DNAH1: variants seen among roughly 807,000 people sequenced by gnomAD.
The protein encoded by DNAH1 is dynein axonemal heavy chain 1.
DNAH1 carries 327 observed loss-of-function variants against 484.3 expected under a neutral mutation model. The observed-to-expected ratio is 0.68, with a 90% CI of 0.62 to 0.74. DNAH1 has a LOEUF of 0.74. Ranked by LOEUF, DNAH1 falls within the 30% of genes least tolerant of loss-of-function variation. The pLI is 0.00. For synonymous variants in DNAH1, 2,192 were observed against 2,191.9 expected, an observed-to-expected ratio of 1.00 and a Z score of 0.00; for missense variants, 5,052 against 5,546.8, an observed-to-expected ratio of 0.91 and a Z score of 2.83.
intron 8 of DNAH1, among the ~76,000 whole-genome samples, chr3:52,341,649 G>T (rs189285710): frequency 9.2e-5 from 14 of 151,464 alleles, no homozygotes; most frequent in Middle Eastern, 3.4e-3. Flanking sequence ...TGCATCAGTG[G>T]TTGATCATAA....
intron 42 of DNAH1, 56 bp downstream of exon 42, chr3:52,372,142 G>A (rs1318306903): frequency 1.2e-5 from 20 of 1,609,784 alleles, no homozygotes; most frequent in Admixed American, 1.7e-5. Context: ...ATTGGGGGTT[G>A]ACCAGCCTCC....
At chr3:52,384,147 T>C in intron 52 of DNAH1, 116 bp downstream of exon 52, 1 of 1,145,490 alleles carries the variant, frequency 8.7e-7, no homozygotes, top group Non-Finnish European at 1.2e-6. Context: ...GGTAAGCTTT[T>C]GGTCAGGCTG....
chr3:52,382,749 C>T (rs544639647), intron 50 of DNAH1, among the ~76,000 whole-genome samples: 3 of 152,254 alleles, frequency 2.0e-5, no homozygotes, highest in Admixed American at 6.5e-5. Flanking sequence ...CCTCAAGGAC[C>T]ACAGGGCTTG....
chr3:52,370,793 G>A lies in DNAH1; in HGVS notation c.6493G>A (p.Asp2165Asn), dbSNP rs761325487. The change falls in exon 41 of 78, where the codon GAC becomes AAC. Residue 2165 changes from aspartate to asparagine, a missense_variant. Asp to Asn is a conservative substitution (Grantham distance 23, BLOSUM62 1). Around this residue, in one of 4 missense-constraint regions of DNAH1, gnomAD observed 2,929 missense variants for 3,409.4 expected, o/e 0.86. Coordinates refer to ENST00000420323, the MANE Select transcript of DNAH1 (RefSeq NM_015512.5). ...GGACGCGGGCATCAGTGGCACCAAC[G>A]ACAGTGAGGATGAAGAGGAGGAATA... ...LEDAGISGTN[D>N]SEDEEEEYKQ... 5.0e-6 allele frequency: 8 copies of A among 1,605,742 alleles called. No homozygotes were observed. The highest frequency in any genetic ancestry group is 4.0e-5 in the African/African-American group (3 of 74,828).
In DNAH1 at chr3:52,346,480, G is replaced by A. The variant is rs754661020; in HGVS notation, c.1665G>A (p.Met555Ile). Residue 555 changes from methionine (M) to isoleucine (I), a missense_variant, in exon 11 of 78, where the codon ATG (methionine) becomes ATA (isoleucine). By Grantham distance (10) the Met-to-Ile change is conservative. Coordinates refer to ENST00000420323, the MANE Select transcript of DNAH1 (RefSeq NM_015512.5). Reference sequence around the variant, plus strand: ...GCCTGTGGCCACTCTAGGTGCAGATGTTCCTCAAGGACAGCTGGATCAGCT... The same window carrying A: ...GCCTGTGGCCACTCTAGGTGCAGATATTCCTCAAGGACAGCTGGATCAGCT... ...IQSQTFSQVQ[M>I]FLKDSWISSL... is the part of the protein sequence containing the mutation. 2.5e-6 allele frequency: 4 copies of A among 1,609,578 alleles called. No individual in the cohort carries two copies. The Admixed American group carries it at 6.7e-5, about 27-fold the overall frequency.
rs200196097 is a variant in DNAH1 at position 52,378,713 on chromosome 3, C to A, written c.7310C>A (p.Thr2437Asn). The A allele has an allele frequency of 8.7e-5, 140 of 1,613,720 alleles. No homozygotes were observed. The highest frequency in any genetic ancestry group is 1.2e-4 in the Non-Finnish European group (137 of 1,179,894). ...LLPTPAKSHY[T>N]FNLRDLSKVF... ...CCCACTCCAGCCAAGTCCCACTACA[C>A]CTTCAACCTGAGGGACCTCTCCAAG... The change falls in exon 47 of 78, where the codon ACC (threonine) becomes AAC (asparagine). Residue 2437 changes from threonine (T) to asparagine (N), a missense_variant. Thr to Asn is a moderately conservative substitution (Grantham distance 65). Transcript: ENST00000420323.
upstream of DNAH1, among the ~76,000 whole-genome samples, chr3:52,313,154 T>C (rs1258348833): frequency 6.6e-6 from 1 of 152,184 alleles, no homozygotes; most frequent in African/African-American, 2.4e-5. Flanking sequence ...GTGGGTACTC[T>C]GCAGGAGGAG....
intron 48 of DNAH1, among the ~76,000 whole-genome samples, chr3:52,380,959 C>G (rs1369165824): frequency 6.6e-6 from 1 of 152,206 alleles, no homozygotes; most frequent in Non-Finnish European, 1.5e-5. Context: ...GATGTTCTAG[C>G]TCAGTATGTG....
intron 1 of DNAH1, among the ~76,000 whole-genome samples, chr3:52,317,010 G>A (rs1700971374): frequency 6.6e-6 from 1 of 152,128 alleles, no homozygotes; most frequent in African/African-American, 2.4e-5. Flanking sequence ...GGACATCTGT[G>A]ACCTTCAGAT....
At chr3:52,349,711 A>G (rs550947299) in intron 14 of DNAH1, among the ~76,000 whole-genome samples, 1 of 152,302 alleles carries the variant, frequency 6.6e-6, no homozygotes, top group East Asian at 1.9e-4. Flanking sequence ...TCATGGAGCT[A>G]GGGGATTCGA....
Position 52,348,050 on chromosome 3 carries a change from G to A in DNAH1, c.2106+76G>A, listed in dbSNP as rs1702219893. ...GATGGCTCCCTGAGCTCAGGGTGCTGCCACAGTTCAACTGTATCACAGGCC... is the reference window on the plus strand; with the variant it reads ...GATGGCTCCCTGAGCTCAGGGTGCTACCACAGTTCAACTGTATCACAGGCC... On this transcript the variant is annotated intron_variant, in intron 12 of 77. Coordinates refer to ENST00000420323, the MANE Select transcript of DNAH1 (RefSeq NM_015512.5). The A allele has an allele frequency of 7.5e-6, 11 of 1,461,558 alleles. No homozygotes were observed. In the South Asian group the frequency reaches 1.4e-4, roughly 19 times the overall value. The allele number at this position is 1,461,558 out of a possible 1,614,324, so 90.5% of individuals were successfully genotyped here.
rs374684031 is a variant in DNAH1 at position 52,326,365 on chromosome 3, G to A, written c.581+51G>A. ...ACTGTCGGGGAGGTGGCATCCACCC[G>A]CCTCAGGGGATGAGGAACTGCAGAT... On this transcript the variant is annotated intron_variant, in intron 4 of 77. Transcript: ENST00000420323. The A allele has an allele frequency of 1.8e-4, 274 of 1,561,332 alleles. No individual in the cohort carries two copies. In the African/African-American group the frequency reaches 3.1e-3, roughly 18 times the overall value.
intron 20 of DNAH1, 109 bp from the exon 21 acceptor site, chr3:52,354,734 T>G: frequency 1.9e-6 from 2 of 1,038,080 alleles, no homozygotes; most frequent in Non-Finnish European, 2.9e-6. Flanking sequence ...AGAGCGGCCA[T>G]GTGGAGGTCA....
chr3:52,385,072 T>C, intron 53 of DNAH1, 95 bp downstream of exon 53: 1 of 1,405,016 alleles, frequency 7.1e-7, no homozygotes, highest in South Asian at 1.4e-5. Context: ...GCTCCGCCTT[T>C]CAAACTGCAG....
Position 52,322,458 on chromosome 3 carries a change from A to G in DNAH1, c.16A>G (p.Ser6Gly). Residue 6 changes from serine to glycine, a missense_variant, in exon 2 of 78, where the codon AGT becomes GGT. Physicochemically the swap from Ser to Gly is moderately conservative, Grantham distance 56 (BLOSUM62 0). Transcript: ENST00000420323. Reference sequence around the variant, plus strand: ...GAGAAGCAGCATGGAGCAGCCTAACAGTAAAGGCTATAGCCTGGGAAGGAC... The same window carrying G: ...GAGAAGCAGCATGGAGCAGCCTAACGGTAAAGGCTATAGCCTGGGAAGGAC... MEQPNSKGYSLGRTPQ... is the reference protein window; with the variant it reads MEQPNGKGYSLGRTPQ... 1.9e-6 allele frequency: 3 copies of G among 1,610,282 alleles called. No individual in the cohort carries two copies. Among genetic ancestry groups the G allele is most frequent in the Non-Finnish European group, 2.5e-6 (3 of 1,178,798 alleles).
Position 52,357,883 on chromosome 3 carries a change from C to T in DNAH1, c.3981-15C>T, listed in dbSNP as rs1702683638. 1.2e-6 allele frequency: 2 copies of T among 1,610,704 alleles called. No individual in the cohort carries two copies. Among genetic ancestry groups the T allele is most frequent in the Admixed American group, 1.7e-5 (1 of 59,822 alleles). On this transcript the variant is annotated splice_polypyrimidine_tract_variant and intron_variant, in intron 23 of 77. Coordinates refer to ENST00000420323, the MANE Select transcript of DNAH1 (RefSeq NM_015512.5). ...GCCTGCACGACCCGCTTCCTCACCC[C>T]TGTTCCCCTGGCAGATTCTACTTCC... is the stretch of plus-strand genomic sequence containing the variant.
chr3:52,383,866 C>T lies in DNAH1; in HGVS notation c.8157C>T (p.Ile2719=), dbSNP rs372225538. 5 of 1,593,878 alleles carry T rather than the reference C, an allele frequency of 3.1e-6. No homozygotes were observed. Among genetic ancestry groups the T allele is most frequent in the African/African-American group, 2.7e-5 (2 of 74,224 alleles). The part of the protein sequence containing the change: ...NIHMVLCMSP[I]GEVFRARLRQ... ...TGGATTCCTGACTTTCCAGCCCCAT[C>T]GGAGAGGTCTTCCGAGCTCGTCTGA... The change falls in exon 52 of 78, where the codon ATC becomes ATT. Residue 2719 remains isoleucine, a synonymous_variant. Transcript: ENST00000420323.
At chr3:52,336,765 GCTCT>G (rs960695798) in intron 8 of DNAH1, among the ~76,000 whole-genome samples, 2 of 152,044 alleles carry the variant, frequency 1.3e-5, no homozygotes, top group Admixed American at 1.3e-4. Flanking sequence ...TTATTTCTGG[GCTCT>G]CTATTTTGTT....
Position 52,362,306 on chromosome 3 carries a change from A to G in DNAH1, c.4981-82A>G. On this transcript the variant is annotated intron_variant, in intron 30 of 77. Transcript: ENST00000420323. The surrounding 1 kb of genome is among the most constrained non-coding windows in gnomAD (Gnocchi z 5.1). ...AGCTACAGCCAGGACAGGGGCATCA[A>G]CAGGGGACAAGGGGCCCACTCAGAG... 8.5e-7 allele frequency: 1 copy of G among 1,182,456 alleles called. No homozygotes were observed. Among genetic ancestry groups the G allele is most frequent in the Non-Finnish European group, 1.2e-6 (1 of 811,950 alleles). 73.2% of individuals were successfully genotyped at this position (1,182,456 alleles called of 1,614,324 possible). A position where few individuals can be genotyped will look rare whatever the true frequency, so the allele number is the denominator to read the frequency against.
Sources: allele counts gnomAD v4.1 joint callset (sites outside exome capture counted in the v4.1 genomes callset), GRCh38; gene constraint gnomAD v4.1.1; regional missense constraint gnomAD v4.1.1; non-coding constraint Gnocchi (gnomAD v3.1); transcripts MANE v1.5; gene names NCBI Gene and HGNC (gene_info 2026-07-23, HGNC 2026-07-21).